FRMD5: variants seen among roughly 807,000 people sequenced by gnomAD.
FRMD5 encodes FERM domain containing 5.
Under a neutral mutation model 69.0 loss-of-function variants are expected in FRMD5, and 20 were observed. The observed-to-expected ratio is 0.29, with a 90% CI of 0.20 to 0.42. The LOEUF is 0.42. Among genes scored for constraint, FRMD5 ranks in the 10% least tolerant of loss-of-function variants. The pLI is 1.00. For synonymous variants in FRMD5, 271 were observed against 260.1 expected (o/e 1.04, Z -0.40); for missense variants, 595 against 708.6 (o/e 0.84, Z 1.82).
chr15:44,013,001 G>C (rs140503565), intron 1 of FRMD5, among the ~76,000 whole-genome samples: 1 of 152,180 alleles, frequency 6.6e-6, no homozygotes, highest in African/African-American at 2.4e-5. Context: ...CCTGACCTCA[G>C]GTGATCCGCC....
chr15:44,157,855 A>AT (rs1454038959), intron 1 of FRMD5, among the ~76,000 whole-genome samples: 1 of 152,210 alleles, frequency 6.6e-6, no homozygotes, highest in East Asian at 1.9e-4. Flanking sequence ...TTAAAAAAAA[A>AT]GAAACTTCAA....
At chr15:43,878,286 A>AT in intron 13 of FRMD5, among the ~76,000 whole-genome samples, 1 of 152,052 alleles carries the variant, frequency 6.6e-6, no homozygotes, top group Middle Eastern at 3.2e-3. Context: ...ATTGTACATC[A>AT]TTTTGCTTAA....
intron 1 of FRMD5, among the ~76,000 whole-genome samples, chr15:44,191,542 C>A (rs553667581): frequency 1.3e-5 from 2 of 151,792 alleles, no homozygotes; most frequent in Non-Finnish European, 2.9e-5. Flanking sequence ...GCTTAGATTG[C>A]GCCATTGCAC....
intron 1 of FRMD5, among the ~76,000 whole-genome samples, chr15:44,139,112 T>C (rs1029400367): frequency 1.3e-5 from 2 of 152,158 alleles, no homozygotes; most frequent in Non-Finnish European, 2.9e-5. Context: ...GTGAATCGTA[T>C]AGTATGTGTA....
At chr15:43,875,897 A>C in intron 13 of FRMD5, 2 of 767,218 alleles carry the variant, frequency 2.6e-6, no homozygotes, top group East Asian at 6.1e-5. Flanking sequence ...ATTTTGTCTT[A>C]ACTGCTGGGT....
At chr15:44,071,290 A>G (rs1041233036) in intron 1 of FRMD5, among the ~76,000 whole-genome samples, 6 of 152,112 alleles carry the variant, frequency 3.9e-5, no homozygotes, top group African/African-American at 1.4e-4. Context: ...ACACAAAACT[A>G]AAGTTCTCAC....
At chr15:44,194,831 A>G in intron 1 of FRMD5, 122 bp downstream of exon 1, 1 of 871,116 alleles carries the variant, frequency 1.1e-6, no homozygotes, top group Non-Finnish European at 1.8e-6. Context: ...CGCAACCAGG[A>G]ACGGACAAAG....
intron 1 of FRMD5, among the ~76,000 whole-genome samples, chr15:44,024,885 A>G (rs1047367134): frequency 1.3e-5 from 2 of 152,216 alleles, no homozygotes; most frequent in African/African-American, 4.8e-5. Flanking sequence ...AGTTTCCTCC[A>G]TTTGCCCTCA....
chr15:43,967,818 T>C (rs542852358), intron 1 of FRMD5, among the ~76,000 whole-genome samples: 5 of 152,250 alleles, frequency 3.3e-5, no homozygotes, highest in Admixed American at 6.5e-5. Flanking sequence ...GTTATATAGG[T>C]ATACATGTGT....
chr15:43,977,694 G>T (rs2090485095), intron 1 of FRMD5, among the ~76,000 whole-genome samples: 1 of 152,208 alleles, frequency 6.6e-6, no homozygotes, highest in African/African-American at 2.4e-5. Context: ...GTTTGGGCAG[G>T]CGTTCTGCAA....
intron 1 of FRMD5, among the ~76,000 whole-genome samples, chr15:44,065,037 C>T (rs1435885790): frequency 1.3e-5 from 2 of 152,234 alleles, no homozygotes; most frequent in Admixed American, 1.3e-4. Context: ...GTTAAGAGCA[C>T]AGGCTCTGGA....
intron 1 of FRMD5, chr15:43,989,115 G>A: frequency 3.0e-6 from 3 of 988,568 alleles, no homozygotes; most frequent in Admixed American, 3.4e-5. Context: ...ATTCCTGCTT[G>A]CTGATCCACA....
intron 1 of FRMD5, among the ~76,000 whole-genome samples, chr15:44,096,576 T>A (rs566432831): frequency 6.6e-6 from 1 of 152,150 alleles, no homozygotes; most frequent in Admixed American, 6.6e-5. Flanking sequence ...CTAATTTTTG[T>A]ATTTTTAATA....
At chr15:44,098,883 G>C (rs368627473) in intron 1 of FRMD5, among the ~76,000 whole-genome samples, 1 of 152,124 alleles carries the variant, frequency 6.6e-6, no homozygotes, top group African/African-American at 2.4e-5. Flanking sequence ...TTTTAAAATA[G>C]ACTATTTGCT....
chr15:43,935,965 G>A (rs1213055506), intron 1 of FRMD5, among the ~76,000 whole-genome samples: 2 of 152,194 alleles, frequency 1.3e-5, no homozygotes, highest in African/African-American at 4.8e-5. Context: ...GCAGAGACAC[G>A]CGGTTTAGAC....
intron 1 of FRMD5, among the ~76,000 whole-genome samples, chr15:44,122,009 GGAAAA>G (rs1409991267): frequency 6.6e-5 from 9 of 136,374 alleles, no homozygotes; most frequent in African/African-American, 2.5e-4. Context: ...AAAAAAAAAA[GGAAAA>G]GAAATAGTAT....
chr15:43,874,116 C>G lies in FRMD5; in HGVS notation c.1482G>C (p.Val494=), dbSNP rs750024702. ...QGHSGPEEEQ[V]NKFVLSVLRL... ...GGAGGACACTTAGAACAAACTTATT[C>G]ACCTGTTCCTCCTCGGGCCCGCTGT... The change falls in exon 14 of 14, where the codon GTG becomes GTC. Residue 494 remains valine (V), a synonymous_variant. Coordinates refer to ENST00000417257, the MANE Select transcript of FRMD5 (RefSeq NM_032892.5). 4 of 1,614,218 alleles carry G rather than the reference C, an allele frequency of 2.5e-6. No homozygotes were observed. The highest frequency in any genetic ancestry group is 3.4e-6 in the Non-Finnish European group (4 of 1,180,038).
chr15:44,031,527 G>C (rs964586314), intron 1 of FRMD5, among the ~76,000 whole-genome samples: 9 of 151,990 alleles, frequency 5.9e-5, no homozygotes, highest in Non-Finnish European at 1.2e-4. Context: ...TGGTGGAAGG[G>C]GAGAAATCTG....
At chr15:44,019,205 A>C (rs188042001) in intron 1 of FRMD5, among the ~76,000 whole-genome samples, 129 of 152,140 alleles carry the variant, frequency 8.5e-4, no homozygotes, top group African/African-American at 3.1e-3. Flanking sequence ...ATGTGGGCAT[A>C]TATTTCTAAT....
Sources: gnomAD v4.1 joint callset for allele counts (sites outside exome capture counted in the v4.1 genomes callset) on GRCh38, gnomAD v4.1.1 for gene constraint, MANE v1.5 for transcripts, NCBI Gene and HGNC (gene_info 2026-07-23, HGNC 2026-07-21) for gene names.